KLHL6: variants seen among roughly 807,000 people sequenced by gnomAD.
The protein encoded by KLHL6 is kelch-like protein 6.
In KLHL6, 41 loss-of-function variants were observed where a neutral mutation model predicts 58.6. The observed-to-expected ratio is 0.70, with a 90% CI of 0.55 to 0.91. KLHL6 has a LOEUF of 0.91. KLHL6 is among the 40% of genes least tolerant of loss of function. The probability of loss-of-function intolerance (pLI) is 0.00; values close to 1 mark genes in which losing one functional copy is unlikely to be tolerated. For synonymous variants in KLHL6, 338 were observed against 322.7 expected (o/e 1.05, Z -0.51); for missense variants, 714 against 805.6 (o/e 0.89, Z 1.38).
chr3:183,510,933 C>T (rs1577184412), intron 2 of KLHL6, among the ~76,000 whole-genome samples: 1 of 147,832 alleles, frequency 6.8e-6, no homozygotes, highest in East Asian at 1.9e-4. Context: ...CTGAAGGGGG[C>T]CAGCCCCTCT....
Position 183,539,655 on chromosome 3 carries a change from G to A in KLHL6, c.294-11645C>T, listed in dbSNP as rs551623936. Among the ~76,000 whole-genome samples, 31 of 150,486 alleles carry A rather than the reference G, an allele frequency of 2.1e-4. 1 individual carries two copies. ...ACCCGGGAGGCAGAGGTTGCAGTGA[G>A]ACAAGGTCGCACTACTGCACTCCAG... On this transcript the variant is annotated intron_variant, in intron 1 of 6. Transcript: ENST00000341319.
chr3:183,531,714 G>A (rs1179275532), intron 1 of KLHL6, among the ~76,000 whole-genome samples: 1 of 152,038 alleles, frequency 6.6e-6, no homozygotes, highest in Non-Finnish European at 1.5e-5. Context: ...CCAAAGTGCT[G>A]GGATTACAGG....
At chr3:183,555,292 G>C (rs1024132766) in intron 1 of KLHL6, 69 bp downstream of exon 1, 1 of 1,306,642 alleles carries the variant, frequency 7.7e-7, no homozygotes, top group Non-Finnish European at 1.1e-6. Context: ...TCAAGATTGG[G>C]CTCTCACACT....
At chr3:183,507,944 G>A (rs1718056172) in intron 3 of KLHL6, 115 bp downstream of exon 3, 2 of 897,892 alleles carry the variant, frequency 2.2e-6, no homozygotes, top group South Asian at 1.7e-5. Context: ...ACAGGGCAGT[G>A]TTTTCTCCTT....
intron 2 of KLHL6, among the ~76,000 whole-genome samples, chr3:183,523,669 T>C (rs567627306): frequency 6.7e-6 from 1 of 150,220 alleles, no homozygotes; most frequent in South Asian, 2.1e-4. Flanking sequence ...TACTCTTTCA[T>C]GAGTTGGTTT....
intron 2 of KLHL6, among the ~76,000 whole-genome samples, chr3:183,518,613 A>G (rs1198667017): frequency 2.0e-5 from 3 of 152,186 alleles, no homozygotes; most frequent in Non-Finnish European, 4.4e-5. Flanking sequence ...AGGCTTACTC[A>G]GGGAAGGGGT....
intron 3 of KLHL6, among the ~76,000 whole-genome samples, chr3:183,500,342 G>A (rs1717836649): frequency 6.6e-6 from 1 of 152,210 alleles, no homozygotes; most frequent in African/African-American, 2.4e-5. Flanking sequence ...GAACTAGAAG[G>A]AATCAGGGTG....
At chr3:183,525,656 A>G (rs1577193076) in intron 2 of KLHL6, among the ~76,000 whole-genome samples, 1 of 152,220 alleles carries the variant, frequency 6.6e-6, no homozygotes, top group African/African-American at 2.4e-5. Flanking sequence ...TGTTCTTTCT[A>G]CTCTGCCACT....
At chr3:183,537,065 C>G (rs1186154668) in intron 1 of KLHL6, among the ~76,000 whole-genome samples, 2 of 152,118 alleles carry the variant, frequency 1.3e-5, no homozygotes, top group African/African-American at 2.4e-5. Context: ...AATACACTAC[C>G]CTGGCCATGG....
chr3:183,492,819 C>T lies in KLHL6; in HGVS notation c.1351-112G>A, dbSNP rs1382050383. 2.1e-6 allele frequency: 2 copies of T among 942,942 alleles called. No homozygotes were observed. The highest frequency in any genetic ancestry group is 2.3e-5 in the Admixed American group (1 of 44,042). 58.4% of individuals were successfully genotyped at this position (942,942 alleles called of 1,614,324 possible). On this transcript the variant is annotated intron_variant, in intron 5 of 6. Coordinates refer to ENST00000341319, the MANE Select transcript of KLHL6 (RefSeq NM_130446.4). The surrounding 1 kb of genome is among the most constrained non-coding windows in gnomAD (Gnocchi z 5.9). ...GGGACACAGAACTGGGCATCTTTTG[C>T]CTATAGTCACAAGGCCCATGGGCTT...
Position 183,492,790 on chromosome 3 carries a change from C to A in KLHL6, c.1351-83G>T. On this transcript the variant is annotated intron_variant, in intron 5 of 6. Coordinates refer to ENST00000341319, the MANE Select transcript of KLHL6 (RefSeq NM_130446.4). This position sits in a 1 kb window ranked among gnomAD's most constrained non-coding sequence, Gnocchi z 5.9. ...GTAGCTCCCAGGATACAGGACAGAGCTCCGGGACACAGAACTGGGCATCTT... is the reference window on the plus strand; with the variant it reads ...GTAGCTCCCAGGATACAGGACAGAGATCCGGGACACAGAACTGGGCATCTT... The A allele has an allele frequency of 7.8e-7, 1 of 1,288,008 alleles. No homozygotes were observed. The highest frequency in any genetic ancestry group is 1.1e-6 in the Non-Finnish European group (1 of 908,072). The allele number at this position is 1,288,008 out of a possible 1,614,324, so 79.8% of individuals were successfully genotyped here. A position where few individuals can be genotyped will look rare whatever the true frequency, so the allele number is the denominator to read the frequency against.
At chr3:183,500,912 C>G (rs1449616510) in intron 3 of KLHL6, among the ~76,000 whole-genome samples, 1 of 152,202 alleles carries the variant, frequency 6.6e-6, no homozygotes. Context: ...AGACTGAGCC[C>G]TCAGATAGTG....
At chr3:183,509,474 A>G (rs1718117573) in intron 2 of KLHL6, among the ~76,000 whole-genome samples, 1 of 152,256 alleles carries the variant, frequency 6.6e-6, no homozygotes. Context: ...TCAAAATATT[A>G]ATGGTTGTTA....
At chr3:183,536,183 G>T (rs964247206) in intron 1 of KLHL6, among the ~76,000 whole-genome samples, 1 of 152,160 alleles carries the variant, frequency 6.6e-6, no homozygotes, top group Non-Finnish European at 1.5e-5. Flanking sequence ...TGCTAGTGAC[G>T]TAAGGGAACA....
intron 1 of KLHL6, among the ~76,000 whole-genome samples, chr3:183,545,949 T>G (rs12629211): frequency 5.9e-5 from 9 of 152,224 alleles, no homozygotes; most frequent in African/African-American, 2.2e-4. Context: ...TGACTGGACC[T>G]GCAGGAGGAA....
chr3:183,537,890 C>T (rs974640886), intron 1 of KLHL6, among the ~76,000 whole-genome samples: 4 of 152,116 alleles, frequency 2.6e-5, no homozygotes, highest in Admixed American at 1.3e-4. Context: ...ATTGTCACCC[C>T]ACTAGAATGC....
At chr3:183,493,757 ACT>A in intron 5 of KLHL6, 1 of 356,296 alleles carries the variant, frequency 2.8e-6, no homozygotes, top group Admixed American at 4.3e-5. Flanking sequence ...AGGAGACAAG[ACT>A]CTACACCAAG....
At chr3:183,533,397 C>T (rs150302521) in intron 1 of KLHL6, among the ~76,000 whole-genome samples, 1,753 of 151,528 alleles carry the variant, frequency 0.012, 74 homozygotes, top group Admixed American at 0.075. Flanking sequence ...CCTCAGGCTC[C>T]CCAGTAGCTA....
In KLHL6 at chr3:183,492,333, C is replaced by T. The variant is rs1717585148; in HGVS notation, c.1565-105G>A. ...TGATTAGGCCAAGTCTACCCTCTTG[C>T]CAAGAGAAACAGTCGATTGATGGCT... On this transcript the variant is annotated intron_variant, in intron 6 of 6. Coordinates refer to ENST00000341319, the MANE Select transcript of KLHL6 (RefSeq NM_130446.4). This position sits in a 1 kb window ranked among gnomAD's most constrained non-coding sequence, Gnocchi z 5.9. 7.5e-7 allele frequency: 1 copy of T among 1,333,404 alleles called. No homozygotes were observed. Among genetic ancestry groups the T allele is most frequent in the Middle Eastern group, 2.2e-4 (1 of 4,562 alleles). The allele number at this position is 1,333,404 out of a possible 1,614,324, so 82.6% of individuals were successfully genotyped here.
Sources: allele counts gnomAD v4.1 joint callset (sites outside exome capture counted in the v4.1 genomes callset), GRCh38; gene constraint gnomAD v4.1.1; non-coding constraint Gnocchi (gnomAD v3.1); transcripts MANE v1.5; gene names NCBI Gene and HGNC (gene_info 2026-07-23, HGNC 2026-07-21).